CNTRL: variants seen among roughly 807,000 people sequenced by gnomAD.
The protein encoded by CNTRL is centriolin.
CNTRL carries 233 observed loss-of-function variants against 303.7 expected under a neutral mutation model. The ratio of observed to expected loss-of-function variants is 0.77; its 90% confidence interval spans 0.69 to 0.86. CNTRL has a LOEUF of 0.86. Among genes scored for constraint, CNTRL ranks in the 40% least tolerant of loss-of-function variants. The pLI, the probability that CNTRL is intolerant of heterozygous loss-of-function variation, is 0.00. For synonymous variants in CNTRL, 900 were observed against 922.2 expected, an observed-to-expected ratio of 0.98 and a Z score of 0.44; for missense variants, 2,524 against 2,650.6, an observed-to-expected ratio of 0.95 and a Z score of 1.05.
intron 14 of CNTRL, among the ~76,000 whole-genome samples, chr9:121,128,031 A>G (rs112637456): frequency 0.13 from 19,846 of 151,938 alleles, 1,401 homozygotes; most frequent in East Asian, 0.18. Flanking sequence ...CATTTTCTTA[A>G]TCCAGTCTAT....
rs1013521321 is a variant in CNTRL, at chr9:121,161,858, C to A, written c.5092C>A (p.Leu1698Ile). ...CATGCTTTGTTTCTATCCCTTAGAA[C>A]TAAAGAATATTCTGGACATGTTGCA... ...LRQMSKHKTE[L>I]KNILDMLQLE... Residue 1698 changes from leucine to isoleucine, a missense_variant and splice_region_variant, in exon 33 of 44, where the codon CTA becomes ATA. Transcript: ENST00000373855. 1 of 1,607,626 alleles carries A rather than the reference C, an allele frequency of 6.2e-7. No homozygotes were observed. Among genetic ancestry groups the A allele is most frequent in the Non-Finnish European group, 8.5e-7 (1 of 1,174,392 alleles).
At chr9:121,121,729 C>T (rs1476757972) in intron 12 of CNTRL, 4 of 968,418 alleles carry the variant, frequency 4.1e-6, no homozygotes, top group East Asian at 2.3e-4. Context: ...GGGGCCTGCC[C>T]GCAGAGGCTG....
At chr9:121,123,106 G>GTA (rs1381764074) in intron 12 of CNTRL, among the ~76,000 whole-genome samples, 2 of 151,956 alleles carry the variant, frequency 1.3e-5, no homozygotes, top group Non-Finnish European at 2.9e-5. Flanking sequence ...TTATTAAAAA[G>GTA]GCATTACTTA....
chr9:121,118,732 A>G (rs1322671840), intron 12 of CNTRL, among the ~76,000 whole-genome samples, 192 bp downstream of exon 12: 1 of 152,176 alleles, frequency 6.6e-6, no homozygotes, highest in East Asian at 1.9e-4. Context: ...TGCAGATCAC[A>G]TATATTAGGA....
rs1160373272 is a variant in CNTRL, at chr9:121,092,485, TA to T, written c.348+2082del. Among the ~76,000 whole-genome samples, 232 of 100,756 alleles carry T rather than the reference TA, an allele frequency of 2.3e-3. 54 individuals carry two copies. The highest frequency in any genetic ancestry group is 0.011 in the East Asian group (48 of 4,228). The allele number at this position is 100,756 out of a possible 152,430, so 66.1% of individuals were successfully genotyped here. Reference sequence around the variant, plus strand: ...TATATATAATATATATCTATATATATAATATATATCTATATATATAATATAT... The same window carrying T: ...TATATATAATATATATCTATATATATATATATATCTATATATATAATATAT... On this transcript the variant is annotated intron_variant, in intron 4 of 43. Coordinates refer to ENST00000373855, the MANE Select transcript of CNTRL (RefSeq NM_007018.6).
chr9:121,157,526 G>T lies in CNTRL; in HGVS notation c.4422G>T (p.Glu1474Asp), dbSNP rs773504903. The stretch of plus-strand genomic sequence containing the variant: ...CCAAGAGAAGTTTATTGCAAACTGA[G>T]TCAGATGCTGAGGAATTAGAAAGGA... ...TDAKRSLLQT[E>D]SDAEELERRA... The change falls in exon 28 of 44, where the codon GAG becomes GAT. Residue 1474 changes from glutamate to aspartate, a missense_variant. Coordinates refer to ENST00000373855, the MANE Select transcript of CNTRL (RefSeq NM_007018.6). 1.2e-6 allele frequency: 2 copies of T among 1,614,140 alleles called. No homozygotes were observed. The highest frequency in any genetic ancestry group is 2.2e-5 in the South Asian group (2 of 91,082).
intron 32 of CNTRL, chr9:121,161,203 A>G: frequency 4.9e-6 from 2 of 410,782 alleles, no homozygotes; most frequent in Non-Finnish European, 9.1e-6. Context: ...TCAAAATGCT[A>G]TTGTAAAAGT....
intron 36 of CNTRL, among the ~76,000 whole-genome samples, chr9:121,166,779 T>C (rs1276256349): frequency 6.6e-6 from 1 of 152,152 alleles, no homozygotes; most frequent in Non-Finnish European, 1.5e-5. Context: ...CCCAGCACTT[T>C]GGGAGGCCAA....
At position 121,146,274 on chromosome 9, in the gene CNTRL, T is replaced by G; in HGVS notation, c.3459+18T>G. Reference sequence around the variant, plus strand: ...CATCAAAAGTAGGAATTCTGTGGTGTTGGGAATGTATACTGAATTTTCTTG... The same window carrying G: ...CATCAAAAGTAGGAATTCTGTGGTGGTGGGAATGTATACTGAATTTTCTTG... On this transcript the variant is annotated intron_variant, in intron 23 of 43. Coordinates refer to ENST00000373855, the MANE Select transcript of CNTRL (RefSeq NM_007018.6). 6.3e-7 allele frequency: 1 copy of G among 1,595,584 alleles called. No individual in the cohort carries two copies. Among genetic ancestry groups the G allele is most frequent in the Non-Finnish European group, 8.5e-7 (1 of 1,174,922 alleles).
intron 36 of CNTRL, among the ~76,000 whole-genome samples, chr9:121,167,093 T>G (rs557988231): frequency 3.3e-5 from 5 of 151,994 alleles, no homozygotes; most frequent in African/African-American, 9.6e-5. Flanking sequence ...GTGGATCACT[T>G]GAGCCCAGGA....
chr9:121,094,210 G>A (rs1352099844), intron 4 of CNTRL, among the ~76,000 whole-genome samples: 1 of 151,878 alleles, frequency 6.6e-6, no homozygotes, highest in Non-Finnish European at 1.5e-5. Flanking sequence ...CACAGACTGG[G>A]TAATTTATAA....
chr9:121,155,909 T>G (rs548485815), intron 27 of CNTRL, among the ~76,000 whole-genome samples: 1 of 152,286 alleles, frequency 6.6e-6, no homozygotes, highest in East Asian at 1.9e-4. Flanking sequence ...TATTTGTATT[T>G]TGCTATTTCA....
chr9:121,081,552 G>A (rs1297055278), intron 2 of CNTRL, among the ~76,000 whole-genome samples: 2 of 152,170 alleles, frequency 1.3e-5, no homozygotes, highest in African/African-American at 4.8e-5. Context: ...GACTCCCACT[G>A]CCCCCTCCTT....
At chr9:121,154,449 G>A (rs1157969061) in intron 26 of CNTRL, among the ~76,000 whole-genome samples, 1 of 152,180 alleles carries the variant, frequency 6.6e-6, no homozygotes, top group Admixed American at 6.5e-5. Context: ...TTGGTCAAGT[G>A]CTGACAACAC....
chr9:121,077,092 A>G (rs1392769699), intron 1 of CNTRL, among the ~76,000 whole-genome samples: 1 of 152,084 alleles, frequency 6.6e-6, no homozygotes, highest in Non-Finnish European at 1.5e-5. Flanking sequence ...AGATCAGAGC[A>G]ACTATCTGGG....
chr9:121,125,690 T>C, intron 13 of CNTRL, 26 bp from the exon 14 acceptor site: 1 of 1,585,522 alleles, frequency 6.3e-7, no homozygotes. Flanking sequence ...AAAGATATAT[T>C]ATTACCCTTT....
intron 39 of CNTRL, among the ~76,000 whole-genome samples, chr9:121,170,356 C>G (rs1040868218): frequency 3.3e-5 from 5 of 152,118 alleles, no homozygotes; most frequent in African/African-American, 1.2e-4. Flanking sequence ...GTTGACCAGG[C>G]TAGTCCTGAA....
At chr9:121,091,441 C>A (rs1016212212) in intron 4 of CNTRL, among the ~76,000 whole-genome samples, 17 of 152,004 alleles carry the variant, frequency 1.1e-4, no homozygotes, top group African/African-American at 4.1e-4. Context: ...GTGAAGGTCC[C>A]CCTAAGCAAA....
Position 121,107,848 on chromosome 9 carries a change from A to C in CNTRL, c.855A>C (p.Glu285Asp), listed in dbSNP as rs1043520902. The C allele has an allele frequency of 6.3e-7, 1 of 1,598,482 alleles. No individual in the cohort carries two copies. Reference protein sequence around the residue: ...LERDLEKKMIETEELKSKQTR... With the variant: ...LERDLEKKMIDTEELKSKQTR... Reference sequence around the variant, plus strand: ...GAGACCTAGAAAAAAAGATGATAGAAACTGAAGAGCTTAAGAGCAAACAAA... The same window carrying C: ...GAGACCTAGAAAAAAAGATGATAGACACTGAAGAGCTTAAGAGCAAACAAA... Residue 285 changes from glutamate (E) to aspartate (D), a missense_variant, in exon 8 of 44, where the codon GAA becomes GAC. By Grantham distance (45) the Glu-to-Asp change is conservative (BLOSUM62 2). Transcript: ENST00000373855.
Sources: allele counts gnomAD v4.1 joint callset (sites outside exome capture counted in the v4.1 genomes callset), GRCh38; gene constraint gnomAD v4.1.1; transcripts MANE v1.5; gene names NCBI Gene and HGNC (gene_info 2026-07-23, HGNC 2026-07-21).